PLCXD2: variants seen among roughly 807,000 people sequenced by gnomAD.
The protein encoded by PLCXD2 is PI-PLC X domain-containing protein 2.
In PLCXD2, 21 loss-of-function variants were observed where a neutral mutation model predicts 28.6. The ratio of observed to expected loss-of-function variants is 0.73; its 90% CI spans 0.52 to 1.06. The LOEUF is 1.06. Among genes scored for constraint, PLCXD2 ranks in the 50% least tolerant of loss-of-function variants. PLCXD2 has a pLI of 0.00. For missense variants in PLCXD2, 369 were observed against 376.7 expected, an observed-to-expected ratio of 0.98 and a Z score of 0.17; for synonymous variants, 140 against 150.1, an observed-to-expected ratio of 0.93 and a Z score of 0.49.
chr3:111,700,479 G>A (rs1288816511), intron 1 of PLCXD2, among the ~76,000 whole-genome samples: 1 of 152,070 alleles, frequency 6.6e-6, no homozygotes, highest in Non-Finnish European at 1.5e-5. Flanking sequence ...TGCTATATAT[G>A]GAATAGTTTT....
chr3:111,675,313 G>A lies in PLCXD2; in HGVS notation c.68G>A (p.Gly23Glu), dbSNP rs372283671. Reference sequence around the variant, plus strand: ...ACCATCTGCTCCCCCAACCCCAGCGGGACAAAGACATCATCGGAGGTCTGC... The same window carrying A: ...ACCATCTGCTCCCCCAACCCCAGCGAGACAAAGACATCATCGGAGGTCTGC... The change falls in exon 1 of 5, where the codon GGG becomes GAG. Residue 23 changes from glycine to glutamate, a missense_variant. Transcript: ENST00000477665. 1 of 1,614,122 alleles carries A rather than the reference G, an allele frequency of 6.2e-7. No homozygotes were observed. The highest frequency in any genetic ancestry group is 1.7e-5 in the Admixed American group (1 of 60,016).
intron 3 of PLCXD2, among the ~76,000 whole-genome samples, chr3:111,715,003 C>A (rs1941249834): frequency 6.6e-6 from 1 of 152,162 alleles, no homozygotes; most frequent in Non-Finnish European, 1.5e-5. Flanking sequence ...ATGAAAGATT[C>A]ATCCAAAAAC....
intron 1 of PLCXD2, 72 bp downstream of exon 1, chr3:111,675,480 G>T: frequency 1.9e-6 from 3 of 1,561,688 alleles, no homozygotes; most frequent in East Asian, 2.2e-5. Flanking sequence ...GGGTTGGGTT[G>T]CTTTTCTATT....
At chr3:111,683,579 C>T (rs1940748981) in intron 1 of PLCXD2, among the ~76,000 whole-genome samples, 1 of 152,192 alleles carries the variant, frequency 6.6e-6, no homozygotes. Context: ...CTCTATTCAA[C>T]ACTTGTATAA....
At position 111,713,870 on chromosome 3, in the gene PLCXD2, T is replaced by C; in HGVS notation, c.625-17T>C. ...TTTTTATGGATTGCTCTCCTTTTTG[T>C]GTTTTGAATATTTCAGGTTCTTATT... On this transcript the variant is annotated splice_polypyrimidine_tract_variant and intron_variant, in intron 2 of 4. Coordinates refer to ENST00000477665, the MANE Select transcript of PLCXD2 (RefSeq NM_001185106.1). 2 of 1,603,204 alleles carry C rather than the reference T, an allele frequency of 1.2e-6. No homozygotes were observed. Among genetic ancestry groups the C allele is most frequent in the South Asian group, 1.1e-5 (1 of 90,624 alleles).
chr3:111,725,453 A>G (rs570337749), intron 3 of PLCXD2: 21 of 394,084 alleles, frequency 5.3e-5, no homozygotes, highest in African/African-American at 1.6e-4. Context: ...CTTAATTTCA[A>G]ATGATACCAA....
chr3:111,682,480 C>A (rs1940732179), intron 1 of PLCXD2, among the ~76,000 whole-genome samples: 1 of 152,070 alleles, frequency 6.6e-6, no homozygotes, highest in Non-Finnish European at 1.5e-5. Context: ...AGAGAATGTT[C>A]TATCAGTATT....
intron 3 of PLCXD2, chr3:111,723,243 C>T (rs1166362253): frequency 1.3e-5 from 2 of 152,198 alleles, no homozygotes; most frequent in Non-Finnish European, 2.9e-5. Context: ...ATTTGAGCCT[C>T]GGCTTTGTCC....
At chr3:111,714,784 A>G (rs1452145068) in intron 3 of PLCXD2, among the ~76,000 whole-genome samples, 1 of 152,120 alleles carries the variant, frequency 6.6e-6, no homozygotes, top group African/African-American at 2.4e-5. Context: ...GCGCGCACAT[A>G]TATGTGAGTG....
chr3:111,719,753 T>C (rs529154990), intron 3 of PLCXD2, among the ~76,000 whole-genome samples: 1 of 152,250 alleles, frequency 6.6e-6, no homozygotes, highest in South Asian at 2.1e-4. Context: ...GGGGCAGGTG[T>C]TGATGAGGAA....
chr3:111,719,996 A>G (rs2107874885), intron 3 of PLCXD2, among the ~76,000 whole-genome samples: 1 of 152,310 alleles, frequency 6.6e-6, no homozygotes, highest in African/African-American at 2.4e-5. Context: ...TGCAGTTGGA[A>G]TATGTCAAAA....
chr3:111,690,206 C>T (rs1167919321), intron 1 of PLCXD2, among the ~76,000 whole-genome samples: 2 of 152,092 alleles, frequency 1.3e-5, no homozygotes, highest in African/African-American at 4.8e-5. Flanking sequence ...GAGATTGACC[C>T]AGTGTTGGGT....
At chr3:111,710,556 A>G (rs915101516) in intron 2 of PLCXD2, among the ~76,000 whole-genome samples, 2 of 152,178 alleles carry the variant, frequency 1.3e-5, no homozygotes, top group Admixed American at 1.3e-4. Flanking sequence ...AGTTAGTGAG[A>G]ACCAGGATTC....
chr3:111,682,404 G>A (rs183498716), intron 1 of PLCXD2, among the ~76,000 whole-genome samples: 15 of 152,296 alleles, frequency 9.8e-5, no homozygotes, highest in African/African-American at 2.9e-4. Flanking sequence ...AAAATAACAG[G>A]TTGGGGTTTT....
chr3:111,725,381 T>C, intron 3 of PLCXD2: 1 of 347,178 alleles, frequency 2.9e-6, no homozygotes, highest in East Asian at 4.1e-5. Flanking sequence ...CTTACAACCA[T>C]TGCCTTGGGA....
At chr3:111,684,197 G>A (rs185297563) in intron 1 of PLCXD2, among the ~76,000 whole-genome samples, 13 of 151,788 alleles carry the variant, frequency 8.6e-5, no homozygotes, top group Admixed American at 8.5e-4. Flanking sequence ...GGGCATGGTG[G>A]CATGCACCTG....
chr3:111,704,624 G>A (rs939933083), intron 1 of PLCXD2, among the ~76,000 whole-genome samples: 4 of 152,064 alleles, frequency 2.6e-5, no homozygotes, highest in African/African-American at 7.2e-5. Context: ...ATTTCAATAC[G>A]TGTATACAAT....
chr3:111,688,022 G>C (rs894309915), intron 1 of PLCXD2, among the ~76,000 whole-genome samples: 1 of 152,088 alleles, frequency 6.6e-6, no homozygotes, highest in Non-Finnish European at 1.5e-5. Flanking sequence ...CACACAGGAG[G>C]CACTATGAAA....
chr3:111,694,225 A>G (rs1025598844), intron 1 of PLCXD2, among the ~76,000 whole-genome samples: 1 of 152,006 alleles, frequency 6.6e-6, no homozygotes, highest in Non-Finnish European at 1.5e-5. Context: ...CAGCAGATCC[A>G]CTGAGGTCTT....
Sources: allele counts gnomAD v4.1 joint callset (sites outside exome capture counted in the v4.1 genomes callset), GRCh38; gene constraint gnomAD v4.1.1; transcripts MANE v1.5; gene names NCBI Gene and HGNC (gene_info 2026-07-23, HGNC 2026-07-21).